The following CHST8 variants were observed in gnomAD, a reference collection of about 807,000 sequenced individuals.
The protein encoded by CHST8 is carbohydrate sulfotransferase 8.
A neutral mutation model predicts 15.0 loss-of-function variants in CHST8; 10 were observed. The observed-to-expected ratio is 0.67, with a 90% confidence interval of 0.41 to 1.13. CHST8 has a LOEUF of 1.13. CHST8 is among the 50% of genes most tolerant of loss of function. The probability of loss-of-function intolerance (pLI) is 0.00; values close to 1 mark genes in which losing one functional copy is unlikely to be tolerated. For synonymous variants in CHST8, 259 were observed against 256.6 expected (o/e 1.01, Z -0.09); for missense variants, 634 against 608.2 (o/e 1.04, Z -0.45).
chr19:33,772,056 C>T lies in CHST8; in HGVS notation c.268C>T (p.Pro90Ser), dbSNP rs1263232374. The T allele has an allele frequency of 1.9e-6, 3 of 1,612,318 alleles. 1 individual carries two copies. The highest frequency in any genetic ancestry group is 3.3e-5 in the Admixed American group (2 of 59,978). Reference protein sequence around the residue: ...SSGAPRGRNLPAPDQPQPPLQ... With the variant: ...SSGAPRGRNLSAPDQPQPPLQ... ...TGGGGCCCCGAGGGGCCGCAACCTG[C>T]CAGCGCCTGACCAGCCTCAACCCCC... The change falls in exon 5 of 5, where the codon CCA becomes TCA. Residue 90 changes from proline to serine, a missense_variant. Transcript: ENST00000650847.
chr19:33,650,523 T>C lies in CHST8; in HGVS notation c.-163-17244T>C, dbSNP rs12973388. On this transcript the variant is annotated intron_variant, in intron 1 of 4. Coordinates refer to ENST00000650847, the MANE Select transcript of CHST8 (RefSeq NM_001127895.2). The stretch of plus-strand genomic sequence containing the variant: ...TTTCTTTTTCTTTTTCTTTTCTTTT[T>C]TTTTTTTTTTTTTTTTTTTTTTTTG... Among the ~76,000 whole-genome samples the C allele has an allele frequency of 7.8e-3, 598 of 76,844 alleles. 4 individuals are homozygous for C. Among genetic ancestry groups the C allele is most frequent in the African/African-American group, 0.052 (533 of 10,346 alleles). The allele number at this position is 76,844 out of a possible 152,430, so 50.4% of individuals were successfully genotyped here. A position where few individuals can be genotyped will look rare whatever the true frequency, so the allele number is the denominator to read the frequency against.
At chr19:33,739,349 C>T (rs372465602) in intron 3 of CHST8, among the ~76,000 whole-genome samples, 31 of 152,268 alleles carry the variant, frequency 2.0e-4, no homozygotes, top group Non-Finnish European at 3.1e-4. Context: ...CTGCAGAAGT[C>T]GTGGAAGCCA....
At chr19:33,767,240 CA>C (rs1974868323) in intron 3 of CHST8, among the ~76,000 whole-genome samples, 1 of 152,224 alleles carries the variant, frequency 6.6e-6, no homozygotes, top group Non-Finnish European at 1.5e-5. Context: ...AGGGCCTGAC[CA>C]AAAGGCTGCT....
chr19:33,736,514 G>C (rs1002670418), intron 3 of CHST8, among the ~76,000 whole-genome samples: 7 of 152,244 alleles, frequency 4.6e-5, no homozygotes, highest in Admixed American at 6.5e-5. Context: ...GCACTCTCTG[G>C]TGTCTGCCCA....
chr19:33,658,814 A>G (rs1337843534), intron 1 of CHST8, among the ~76,000 whole-genome samples: 7 of 152,026 alleles, frequency 4.6e-5, no homozygotes, highest in Non-Finnish European at 8.8e-5. Flanking sequence ...TACTTTTTCT[A>G]CCAGAACCCT....
intron 1 of CHST8, among the ~76,000 whole-genome samples, chr19:33,625,370 C>A (rs1011556473): frequency 6.6e-6 from 1 of 151,764 alleles, no homozygotes; most frequent in African/African-American, 2.4e-5. Flanking sequence ...CGTGAGCTAC[C>A]GCGCCCCGCA....
chr19:33,636,092 T>TAA (rs4012941), intron 1 of CHST8, among the ~76,000 whole-genome samples: 3,482 of 139,610 alleles, frequency 0.025, 153 homozygotes, highest in African/African-American at 0.079. Flanking sequence ...TTATCAAAGT[T>TAA]AAAAAAAAAA....
At chr19:33,625,370 C>T (rs1011556473) in intron 1 of CHST8, among the ~76,000 whole-genome samples, 4 of 151,764 alleles carry the variant, frequency 2.6e-5, no homozygotes, top group Non-Finnish European at 5.9e-5. Flanking sequence ...CGTGAGCTAC[C>T]GCGCCCCGCA....
chr19:33,651,661 C>G (rs1433105600), intron 1 of CHST8, among the ~76,000 whole-genome samples: 1 of 152,110 alleles, frequency 6.6e-6, no homozygotes, highest in African/African-American at 2.4e-5. Flanking sequence ...TATTTGGATG[C>G]AAACACTTCA....
intron 3 of CHST8, among the ~76,000 whole-genome samples, 160 bp from the exon 4 acceptor site, chr19:33,771,253 A>AG (rs777603704): frequency 1.5e-4 from 23 of 152,068 alleles, no homozygotes; most frequent in Non-Finnish European, 2.9e-4. Flanking sequence ...TAGGGGATGG[A>AG]GGGGCTCCAG....
rs543028819 is a variant in CHST8 at position 33,737,832 on chromosome 19, C to T, written c.131-33581C>T. ...TCTCACTCTCCTCCAAGCCCATTCC[C>T]TCTGCATTTGATAGCCACGTACCTG... is the stretch of plus-strand genomic sequence containing the variant. On this transcript the variant is annotated intron_variant, in intron 3 of 4. Coordinates refer to ENST00000650847, the MANE Select transcript of CHST8 (RefSeq NM_001127895.2). Among the ~76,000 whole-genome samples the T allele has an allele frequency of 4.6e-5, 7 of 152,308 alleles. No homozygotes were observed. The South Asian group carries it at 1.4e-3, about 32-fold the overall frequency.
At chr19:33,750,322 G>A (rs1487932825) in intron 3 of CHST8, among the ~76,000 whole-genome samples, 1 of 152,176 alleles carries the variant, frequency 6.6e-6, no homozygotes, top group East Asian at 1.9e-4. Flanking sequence ...TATAGGGGCT[G>A]TGGTCACCAG....
chr19:33,649,852 G>A (rs545469449), intron 1 of CHST8, among the ~76,000 whole-genome samples: 1 of 152,306 alleles, frequency 6.6e-6, no homozygotes, highest in South Asian at 2.1e-4. Flanking sequence ...GGGTCAGTTA[G>A]TGCCTGGCGG....
chr19:33,676,382 C>T (rs1284451764), intron 2 of CHST8, among the ~76,000 whole-genome samples: 1 of 152,074 alleles, frequency 6.6e-6, no homozygotes, highest in Non-Finnish European at 1.5e-5. Flanking sequence ...CCAGCCTGGC[C>T]AACACAGTGA....
At chr19:33,685,971 G>C (rs1370872176) in intron 2 of CHST8, among the ~76,000 whole-genome samples, 3 of 152,186 alleles carry the variant, frequency 2.0e-5, no homozygotes, top group Non-Finnish European at 4.4e-5. Flanking sequence ...TACCCAGGAG[G>C]GGAGGCACGC....
At chr19:33,631,682 A>G (rs985667294) in intron 1 of CHST8, among the ~76,000 whole-genome samples, 8 of 152,150 alleles carry the variant, frequency 5.3e-5, no homozygotes, top group East Asian at 1.9e-4. Context: ...TGAAAGCACA[A>G]TCTATGCCTA....
intron 3 of CHST8, among the ~76,000 whole-genome samples, chr19:33,727,662 C>T (rs1279352870): frequency 1.3e-5 from 2 of 152,222 alleles, no homozygotes; most frequent in Non-Finnish European, 2.9e-5. Flanking sequence ...TCCAGGCCCC[C>T]CGGAAGGAGG....
chr19:33,757,508 A>AAGAAAGAAAGAAAG (rs1974606321), intron 3 of CHST8, among the ~76,000 whole-genome samples: 2 of 46,286 alleles, frequency 4.3e-5, no homozygotes, highest in South Asian at 1.3e-3. Flanking sequence ...GAAAGAAAGA[A>AAGAAAGAAAGAAAG]AGAAAGAAAG....
chr19:33,704,229 C>T (rs1463745863), intron 3 of CHST8, among the ~76,000 whole-genome samples: 1 of 152,208 alleles, frequency 6.6e-6, no homozygotes, highest in Non-Finnish European at 1.5e-5. Context: ...AAAGGTGCTT[C>T]ACCATGGGAA....
Sources: allele counts gnomAD v4.1 joint callset (sites outside exome capture counted in the v4.1 genomes callset), GRCh38; gene constraint gnomAD v4.1.1; transcripts MANE v1.5; gene names NCBI Gene and HGNC (gene_info 2026-07-23, HGNC 2026-07-21).